The following CPB2 variants were observed in gnomAD, a reference collection of about 807,000 sequenced individuals.
The protein encoded by CPB2 is carboxypeptidase B-like protein.
A neutral mutation model predicts 57.0 loss-of-function variants in CPB2; 54 were observed. The ratio of observed to expected loss-of-function variants is 0.95; its 90% CI spans 0.76 to 1.19. The LOEUF is 1.19. CPB2 is among the 50% of genes most tolerant of loss of function. CPB2 has a pLI of 0.00. For synonymous variants in CPB2, 189 were observed against 178.1 expected (o/e 1.06, Z -0.49); for missense variants, 426 against 512.0 (o/e 0.83, Z 1.62).
At chr13:46,084,999 C>T (rs987165117) in intron 2 of CPB2, among the ~76,000 whole-genome samples, 15 of 151,856 alleles carry the variant, frequency 9.9e-5, no homozygotes, top group African/African-American at 3.6e-4. Context: ...TACAGGCGCC[C>T]GCCACCACGC....
chr13:46,060,597 A>T (rs1379776585), intron 8 of CPB2, among the ~76,000 whole-genome samples: 1 of 152,174 alleles, frequency 6.6e-6, no homozygotes, highest in Non-Finnish European at 1.5e-5. Context: ...TACTTTTTTC[A>T]TACTAAGCCT....
intron 10 of CPB2, 68 bp downstream of exon 10, chr13:46,055,694 G>T: frequency 1.1e-6 from 1 of 915,936 alleles, no homozygotes; most frequent in Non-Finnish European, 1.7e-6. Context: ...AATACACAAA[G>T]AAAAACAGAT....
At chr13:46,088,535 C>T (rs888878388) in intron 1 of CPB2, among the ~76,000 whole-genome samples, 7 of 152,128 alleles carry the variant, frequency 4.6e-5, no homozygotes, top group African/African-American at 1.7e-4. Flanking sequence ...GTGGAATTGC[C>T]ATTTCATGGG....
Position 46,078,007 on chromosome 13 carries a change from C to A in CPB2, c.486+793G>T, listed in dbSNP as rs17844042. Among the ~76,000 whole-genome samples, 765 of 152,122 alleles carry A rather than the reference C, an allele frequency of 5.0e-3. 10 individuals are homozygous for A. The highest frequency in any genetic ancestry group is 4.8e-3 in the Non-Finnish European group (323 of 67,956). ...GAATAAGTTCTAGTGTGTAGTAGCA[C>A]AGTAGGGTGACGAGAATCAACAATA... On this transcript the variant is annotated intron_variant, in intron 5 of 10. Coordinates refer to ENST00000181383, the MANE Select transcript of CPB2 (RefSeq NM_001872.5).
chr13:46,076,538 T>C (rs2045025414), intron 5 of CPB2, among the ~76,000 whole-genome samples: 1 of 152,140 alleles, frequency 6.6e-6, no homozygotes, highest in Admixed American at 6.5e-5. Flanking sequence ...GAATTAATAT[T>C]GTTAAAATGT....
intron 3 of CPB2, among the ~76,000 whole-genome samples, chr13:46,083,483 T>C (rs2045151094): frequency 6.6e-6 from 1 of 152,028 alleles, no homozygotes; most frequent in Admixed American, 6.6e-5. Context: ...GGGCACCCAT[T>C]GATACACAGA....
intron 3 of CPB2, among the ~76,000 whole-genome samples, chr13:46,084,011 A>C (rs2045159609): frequency 6.6e-6 from 1 of 152,162 alleles, no homozygotes; most frequent in Admixed American, 6.5e-5. Context: ...TAGATAAGGG[A>C]CGGAGGTCAT....
At chr13:46,073,487 A>G (rs1472043578) in intron 6 of CPB2, 1 of 983,298 alleles carries the variant, frequency 1.0e-6, no homozygotes, top group Non-Finnish European at 1.2e-6. Context: ...CCAAGGGCAA[A>G]GGTGGCAAAA....
chr13:46,082,848 T>C (rs2045140816), intron 3 of CPB2, among the ~76,000 whole-genome samples: 1 of 152,230 alleles, frequency 6.6e-6, no homozygotes, highest in African/African-American at 2.4e-5. Flanking sequence ...GATTCTTCAG[T>C]GTCTTTTATA....
intron 8 of CPB2, among the ~76,000 whole-genome samples, chr13:46,058,821 G>A (rs1283817379): frequency 6.6e-6 from 1 of 152,226 alleles, no homozygotes; most frequent in African/African-American, 2.4e-5. Flanking sequence ...TCTGCCTTCA[G>A]TGCTACTTTT....
At chr13:46,091,516 T>A (rs17844180) in intron 1 of CPB2, among the ~76,000 whole-genome samples, 2,190 of 152,308 alleles carry the variant, frequency 0.014, 59 homozygotes, top group African/African-American at 0.05. Flanking sequence ...TTATCAGTTT[T>A]AAAAAACTCC....
At chr13:46,078,778 A>G (rs1157391945) in intron 5 of CPB2, 22 bp downstream of exon 5, 2 of 1,484,532 alleles carry the variant, frequency 1.3e-6, no homozygotes, top group East Asian at 2.3e-5. Context: ...GTGAAAGATC[A>G]ACAACTTTCC....
In CPB2 at chr13:46,082,565, G is replaced by A. The variant is rs757390985; in HGVS notation, c.276-16C>T. On this transcript the variant is annotated splice_polypyrimidine_tract_variant and intron_variant, in intron 3 of 10. Coordinates refer to ENST00000181383, the MANE Select transcript of CPB2 (RefSeq NM_001872.5). ...CAGCAAGACACTAGGTGATGAAACA[G>A]AGAGTGAGCTAGTTTCCAAGCAGAG... The A allele has an allele frequency of 1.9e-6, 3 of 1,545,408 alleles. No homozygotes were observed. The South Asian group carries it at 3.3e-5, about 17-fold the overall frequency.
intron 2 of CPB2, among the ~76,000 whole-genome samples, 198 bp downstream of exon 2, chr13:46,087,547 G>A (rs1225419659): frequency 6.6e-6 from 1 of 152,138 alleles, no homozygotes; most frequent in Non-Finnish European, 1.5e-5. Flanking sequence ...GAAATTGGCT[G>A]GAAAGCCAAT....
Position 46,080,675 on chromosome 13 carries a change from A to G in CPB2, c.384+1766T>C, listed in dbSNP as rs17844212. On this transcript the variant is annotated intron_variant, in intron 4 of 10. Coordinates refer to ENST00000181383, the MANE Select transcript of CPB2 (RefSeq NM_001872.5). ...AGACCAGGGATGCATGTGCACAAAC[A>G]AAAGGTCATATGAGGCTGGGCATGG... Among the ~76,000 whole-genome samples, 487 of 152,296 alleles carry G rather than the reference A, an allele frequency of 3.2e-3. 3 individuals carry two copies. Among genetic ancestry groups the G allele is most frequent in the African/African-American group, 0.011 (441 of 41,564 alleles).
intron 6 of CPB2, among the ~76,000 whole-genome samples, chr13:46,073,266 C>T (rs2139374630): frequency 6.6e-6 from 1 of 152,162 alleles, no homozygotes; most frequent in African/African-American, 2.4e-5. Flanking sequence ...CATATATGCC[C>T]ATTTTATAGG....
chr13:46,078,276 T>C (rs898612209), intron 5 of CPB2, among the ~76,000 whole-genome samples: 1 of 152,194 alleles, frequency 6.6e-6, no homozygotes, highest in Admixed American at 6.5e-5. Context: ...TTTAATTTTA[T>C]TTTTTCAAGT....
chr13:46,055,831 C>G lies in CPB2; in HGVS notation c.1018G>C (p.Ala340Pro), dbSNP rs754773221. The G allele has an allele frequency of 6.3e-7, 1 of 1,598,298 alleles. No homozygotes were observed. Among genetic ancestry groups the G allele is most frequent in the Non-Finnish European group, 8.6e-7 (1 of 1,169,140 alleles). ...CTAATTTTCTCAATAGCACGAACTG[C>G]TTCACTGGCTACTAGAGACTGGAAG... is the stretch of plus-strand genomic sequence containing the variant. ...HEELSLVASE[A>P]VRAIEKISKN... The change falls in exon 10 of 11, where the codon GCA becomes CCA. Residue 340 changes from alanine (A) to proline (P), a missense_variant. Physicochemically the swap from Ala to Pro is conservative, Grantham distance 27. Transcript: ENST00000181383.
intron 1 of CPB2, among the ~76,000 whole-genome samples, chr13:46,092,606 G>C (rs1211325214): frequency 6.6e-6 from 1 of 152,176 alleles, no homozygotes; most frequent in Admixed American, 6.5e-5. Flanking sequence ...TCATAGAAGG[G>C]ATGTCTGGGT....
Sources: gnomAD v4.1 joint callset for allele counts (sites outside exome capture counted in the v4.1 genomes callset) on GRCh38, gnomAD v4.1.1 for gene constraint, MANE v1.5 for transcripts, NCBI Gene and HGNC (gene_info 2026-07-23, HGNC 2026-07-21) for gene names.